PTPRN2: variants seen among roughly 807,000 people sequenced by gnomAD.
The protein encoded by PTPRN2 is protein tyrosine phosphatase receptor type N2.
A neutral mutation model predicts 118.8 loss-of-function variants in PTPRN2; 74 were observed. The observed-to-expected ratio is 0.62, with a 90% CI of 0.52 to 0.76. The LOEUF (loss-of-function observed/expected upper bound fraction) is 0.76, where lower values mean the gene tolerates loss of function less well. Ranked by LOEUF, PTPRN2 falls within the 30% of genes least tolerant of loss-of-function variation. The pLI, the probability that PTPRN2 is intolerant of heterozygous loss-of-function variation, is 0.00. For synonymous variants in PTPRN2, 641 were observed against 608.0 expected (o/e 1.05, Z -0.80); for missense variants, 1,481 against 1,394.4 (o/e 1.06, Z -0.99).
chr7:158,573,398 A>G (rs1268475859), intron 1 of PTPRN2, among the ~76,000 whole-genome samples: 1 of 152,238 alleles, frequency 6.6e-6, no homozygotes, highest in African/African-American at 2.4e-5. Flanking sequence ...ATTCGTTGGT[A>G]TCAATTTTAA....
At chr7:157,679,100 A>AAT (rs879693746) in intron 13 of PTPRN2, among the ~76,000 whole-genome samples, 6 of 152,076 alleles carry the variant, frequency 3.9e-5, no homozygotes, top group Non-Finnish European at 7.4e-5. Context: ...TGTGTGTATA[A>AAT]ATATATATAT....
intron 6 of PTPRN2, among the ~76,000 whole-genome samples, chr7:158,165,307 C>CAGAGGG (rs1301901882): frequency 1.3e-5 from 2 of 152,204 alleles, no homozygotes; most frequent in African/African-American, 4.8e-5. Context: ...GACGTCGTCC[C>CAGAGGG]AGAGGGAGAG....
intron 13 of PTPRN2, among the ~76,000 whole-genome samples, chr7:157,672,864 C>T (rs1453867438): frequency 6.6e-6 from 1 of 152,196 alleles, no homozygotes; most frequent in African/African-American, 2.4e-5. Flanking sequence ...CTAATGTAAT[C>T]GTCTGCGAAT....
chr7:157,603,592 C>G lies in PTPRN2; in HGVS notation c.2418+410G>C, dbSNP rs1801814038. 1.3e-5 allele frequency among the ~76,000 whole-genome samples: 2 copies of G among 152,220 alleles called. No homozygotes were observed. The highest frequency in any genetic ancestry group is 4.8e-5 in the African/African-American group (2 of 41,458). On this transcript the variant is annotated intron_variant, in intron 16 of 22. Coordinates refer to ENST00000389418, the MANE Select transcript of PTPRN2 (RefSeq NM_002847.5). The surrounding 1 kb of genome is among the most constrained non-coding windows in gnomAD (Gnocchi z 5.4). ...CGAACCTGAAATTCTGGACCTGCCT[C>G]CAAGCCACTGATTGTTACAAAAAGC... is the stretch of plus-strand genomic sequence containing the variant.
intron 8 of PTPRN2, among the ~76,000 whole-genome samples, chr7:158,135,774 G>A (rs1017290899): frequency 6.6e-5 from 10 of 152,204 alleles, no homozygotes; most frequent in Admixed American, 5.9e-4. Context: ...AACTGCTGAT[G>A]TTTTCTTCCT....
At chr7:158,407,214 C>G (rs13309799) in intron 2 of PTPRN2, among the ~76,000 whole-genome samples, 7,049 of 21,780 alleles carry the variant, frequency 0.32, 865 homozygotes, top group Middle Eastern at 0.43. Flanking sequence ...CTGGGTCCTG[C>G]GTCCTGCGTC....
At chr7:158,302,311 C>T (rs756334392) in intron 3 of PTPRN2, among the ~76,000 whole-genome samples, 2 of 152,222 alleles carry the variant, frequency 1.3e-5, no homozygotes, top group Non-Finnish European at 2.9e-5. Flanking sequence ...CAGTCTCTTG[C>T]TCCCTGGAGG....
intron 2 of PTPRN2, among the ~76,000 whole-genome samples, chr7:158,406,276 A>G (rs1196237708): frequency 1.3e-4 from 16 of 122,050 alleles, no homozygotes; most frequent in African/African-American, 4.2e-4. Context: ...TTGGCTGCAC[A>G]CTGAGATCCC....
At chr7:158,508,143 A>G (rs976140269) in intron 1 of PTPRN2, among the ~76,000 whole-genome samples, 7 of 151,512 alleles carry the variant, frequency 4.6e-5, no homozygotes, top group African/African-American at 1.7e-4. Context: ...TCCAAGGGAC[A>G]GCCCCACGGT....
intron 2 of PTPRN2, among the ~76,000 whole-genome samples, chr7:158,367,436 G>A (rs147394984): frequency 6.6e-6 from 1 of 152,304 alleles, no homozygotes; most frequent in East Asian, 1.9e-4. Flanking sequence ...AAAGGGAAAG[G>A]CCACGGCCAT....
rs144109271 is a variant in PTPRN2, at chr7:158,530,696, C to G, written c.113-40911G>C. Among the ~76,000 whole-genome samples, 5 of 152,316 alleles carry G rather than the reference C, an allele frequency of 3.3e-5. No individual in the cohort carries two copies. The East Asian group carries it at 7.7e-4, about 24-fold the overall frequency. ...TGCAGGTTTACACTAACATATGAAA[C>G]AGAGTGAGTGCTGGGGTTGCAAAGA... is the stretch of plus-strand genomic sequence containing the variant. On this transcript the variant is annotated intron_variant, in intron 1 of 22. Coordinates refer to ENST00000389418, the MANE Select transcript of PTPRN2 (RefSeq NM_002847.5).
intron 12 of PTPRN2, among the ~76,000 whole-genome samples, chr7:157,722,243 T>TC (rs1290394064): frequency 6.6e-6 from 1 of 152,252 alleles, no homozygotes; most frequent in Non-Finnish European, 1.5e-5. Context: ...GCCATGTGCC[T>TC]CATATGCTGC....
intron 2 of PTPRN2, among the ~76,000 whole-genome samples, chr7:158,318,703 C>T (rs573699747): frequency 6.6e-6 from 1 of 152,352 alleles, no homozygotes; most frequent in South Asian, 2.1e-4. Context: ...GTGACGGTGC[C>T]GGCTGCCTGC....
At chr7:157,792,731 C>T (rs1414711832) in intron 12 of PTPRN2, among the ~76,000 whole-genome samples, 3 of 152,182 alleles carry the variant, frequency 2.0e-5, no homozygotes, top group Non-Finnish European at 4.4e-5. Flanking sequence ...TCCTACAGCC[C>T]GCAGATGGGC....
intron 12 of PTPRN2, among the ~76,000 whole-genome samples, chr7:157,882,715 C>T (rs1192408750): frequency 6.7e-6 from 1 of 148,890 alleles, no homozygotes; most frequent in Non-Finnish European, 1.5e-5. Flanking sequence ...ATACACCACC[C>T]CAAAAAACTG....
rs145284473 is a variant in PTPRN2 at position 157,962,523 on chromosome 7, C to A, written c.1724-63786G>T. Among the ~76,000 whole-genome samples the A allele has an allele frequency of 5.6e-3, 853 of 152,360 alleles. 11 individuals are homozygous for A. Among genetic ancestry groups the A allele is most frequent in the African/African-American group, 0.019 (808 of 41,588 alleles). On this transcript the variant is annotated intron_variant, in intron 11 of 22. Transcript: ENST00000389418. ...AGACCAAGGGTGCTTAGTTTTTACA[C>A]TATTTAATACACAGATTATTTTCAT...
At chr7:157,910,014 T>C (rs1010545822) in intron 11 of PTPRN2, among the ~76,000 whole-genome samples, 4 of 152,212 alleles carry the variant, frequency 2.6e-5, no homozygotes, top group African/African-American at 9.6e-5. Context: ...GTGGTGGCAC[T>C]CACTAGTGGT....
Position 158,112,174 on chromosome 7 carries a change from AG to A in PTPRN2, c.1557-1260del, listed in dbSNP as rs201252293. Among the ~76,000 whole-genome samples, 785 of 152,352 alleles carry A rather than the reference AG, an allele frequency of 5.2e-3. 3 individuals are homozygous for A. Among genetic ancestry groups the A allele is most frequent in the African/African-American group, 0.018 (756 of 41,586 alleles). On this transcript the variant is annotated intron_variant, in intron 9 of 22. Coordinates refer to ENST00000389418, the MANE Select transcript of PTPRN2 (RefSeq NM_002847.5). Reference sequence around the variant, plus strand: ...CTTTGGAAGTGTGCGCCAGCAGCCCAGGCAGACTAGCTCCTGTCGGCTGACA... The same window carrying A: ...CTTTGGAAGTGTGCGCCAGCAGCCCAGCAGACTAGCTCCTGTCGGCTGACA...
chr7:157,809,200 C>T (rs1472506317), intron 12 of PTPRN2, among the ~76,000 whole-genome samples: 1 of 152,270 alleles, frequency 6.6e-6, no homozygotes, highest in African/African-American at 2.4e-5. Context: ...AGCCAGATGC[C>T]TTATGGAGCC....
Sources: allele counts gnomAD v4.1 joint callset (sites outside exome capture counted in the v4.1 genomes callset), GRCh38; gene constraint gnomAD v4.1.1; non-coding constraint Gnocchi (gnomAD v3.1); transcripts MANE v1.5; gene names NCBI Gene and HGNC (gene_info 2026-07-23, HGNC 2026-07-21).